Variants in THSD4 observed in about 807,000 individuals in gnomAD.
The protein encoded by THSD4 is thrombospondin type-1 domain-containing protein 4.
A neutral mutation model predicts 119.0 loss-of-function variants in THSD4; 69 were observed. The observed-to-expected ratio is 0.58, with a 90% CI of 0.48 to 0.71. THSD4 has a LOEUF of 0.71. Ranked by LOEUF, THSD4 falls within the 30% of genes least tolerant of loss-of-function variation. THSD4 has a pLI of 0.00. For synonymous variants in THSD4, 524 were observed against 540.4 expected, an observed-to-expected ratio of 0.97 and a Z score of 0.42; for missense variants, 1,393 against 1,391.1, an observed-to-expected ratio of 1.00 and a Z score of -0.02.
At position 71,777,226 on chromosome 15, in the gene THSD4, C is replaced by A. The variant is rs560330938; in HGVS notation, c.2915-6C>A. 7 of 1,614,204 alleles carry A rather than the reference C, an allele frequency of 4.3e-6. No individual in the cohort carries two copies. The South Asian group carries it at 7.7e-5, about 18-fold the overall frequency. On this transcript the variant is annotated splice_polypyrimidine_tract_variant and splice_region_variant and intron_variant, in intron 17 of 17. Coordinates refer to ENST00000261862, the MANE Select transcript of THSD4 (RefSeq NM_024817.3). ...GGAGTCTTCTGTTCATTCTCTTTCGCTACAGATGAAAACTGCAAGGACAAG... is the reference window on the plus strand; with the variant it reads ...GGAGTCTTCTGTTCATTCTCTTTCGATACAGATGAAAACTGCAAGGACAAG...
chr15:71,477,566 T>G (rs1446320876), intron 7 of THSD4, among the ~76,000 whole-genome samples: 2 of 152,166 alleles, frequency 1.3e-5, no homozygotes, highest in South Asian at 4.1e-4. Flanking sequence ...GAAAAAGAAA[T>G]AAAAGCTGCT....
At chr15:71,189,342 G>C (rs1401869215) in intron 3 of THSD4, among the ~76,000 whole-genome samples, 1 of 152,190 alleles carries the variant, frequency 6.6e-6, no homozygotes, top group Non-Finnish European at 1.5e-5. Context: ...AAGCCTGACT[G>C]TGCATTAGCA....
chr15:71,481,035 T>C (rs1225379683), intron 7 of THSD4, among the ~76,000 whole-genome samples: 2 of 152,210 alleles, frequency 1.3e-5, no homozygotes, highest in Non-Finnish European at 2.9e-5. Flanking sequence ...CCACCCTTGT[T>C]AGACTTGTTT....
chr15:71,267,174 C>T (rs191285161), intron 6 of THSD4, among the ~76,000 whole-genome samples: 4 of 152,096 alleles, frequency 2.6e-5, no homozygotes, highest in East Asian at 1.9e-4. Context: ...GATTCACCAA[C>T]GTTGAAATGA....
intron 6 of THSD4, chr15:71,341,477 G>A: frequency 8.1e-6 from 13 of 1,613,336 alleles, no homozygotes; most frequent in Non-Finnish European, 1.1e-5. Context: ...CCGACCTTGT[G>A]TCCAGCCCCA....
chr15:71,200,234 C>T (rs78231843), intron 3 of THSD4, among the ~76,000 whole-genome samples: 1,572 of 152,186 alleles, frequency 0.01, 26 homozygotes, highest in African/African-American at 0.036. Context: ...ATTGTTGGTC[C>T]AGACAGGCTG....
At chr15:71,355,858 T>A (rs1329776273) in intron 6 of THSD4, among the ~76,000 whole-genome samples, 45 of 108,552 alleles carry the variant, frequency 4.1e-4, no homozygotes. Flanking sequence ...TAATTTAGGT[T>A]TTTCTTATTT....
At chr15:71,127,478 A>G (rs983523513) in intron 1 of THSD4, among the ~76,000 whole-genome samples, 1 of 152,188 alleles carries the variant, frequency 6.6e-6, no homozygotes, top group African/African-American at 2.4e-5. Context: ...TAGTTCTTTG[A>G]GGAAGCTCTA....
chr15:71,375,492 A>C (rs990271218), intron 6 of THSD4, among the ~76,000 whole-genome samples: 3 of 152,094 alleles, frequency 2.0e-5, no homozygotes, highest in African/African-American at 7.2e-5. Flanking sequence ...ACTCTTCCCC[A>C]GCCCCCTACT....
chr15:71,704,893 G>A (rs536588919), intron 8 of THSD4, among the ~76,000 whole-genome samples: 1 of 152,320 alleles, frequency 6.6e-6, no homozygotes, highest in Admixed American at 6.5e-5. Flanking sequence ...GAAGTACATA[G>A]TGATACCATC....
chr15:71,240,079 A>G (rs961470135), intron 4 of THSD4, among the ~76,000 whole-genome samples: 2 of 152,224 alleles, frequency 1.3e-5, no homozygotes. Flanking sequence ...TGGTTCTCCA[A>G]TTTAGGCAGA....
chr15:71,478,492 C>T (rs1466412103), intron 7 of THSD4, among the ~76,000 whole-genome samples: 2 of 151,962 alleles, frequency 1.3e-5, no homozygotes, highest in Non-Finnish European at 2.9e-5. Context: ...TATAGACAAC[C>T]CGATTTGGTG....
At chr15:71,437,486 TG>T (rs1167208371) in intron 7 of THSD4, among the ~76,000 whole-genome samples, 1 of 152,230 alleles carries the variant, frequency 6.6e-6, no homozygotes, top group Non-Finnish European at 1.5e-5. Flanking sequence ...TTTTCTTCTT[TG>T]GCAGGTGTGG....
At chr15:71,491,427 TAA>T (rs1299756396) in intron 7 of THSD4, among the ~76,000 whole-genome samples, 1 of 152,192 alleles carries the variant, frequency 6.6e-6, no homozygotes, top group Non-Finnish European at 1.5e-5. Flanking sequence ...AATGGTTTTA[TAA>T]GAGAGAGACC....
At chr15:71,555,787 T>C (rs1258977305) in intron 7 of THSD4, among the ~76,000 whole-genome samples, 1 of 152,208 alleles carries the variant, frequency 6.6e-6, no homozygotes, top group African/African-American at 2.4e-5. Context: ...TTTTATACAC[T>C]TAGAGTTAAA....
At chr15:71,154,568 T>A (rs1386992025) in intron 2 of THSD4, among the ~76,000 whole-genome samples, 1 of 152,198 alleles carries the variant, frequency 6.6e-6, no homozygotes, top group Non-Finnish European at 1.5e-5. Context: ...CATCCCCGTT[T>A]TTCAGGGGAG....
chr15:71,125,570 T>TC (rs1391067319), intron 1 of THSD4, among the ~76,000 whole-genome samples: 1 of 152,230 alleles, frequency 6.6e-6, no homozygotes, highest in East Asian at 1.9e-4. Context: ...TCACCAGCTT[T>TC]CCCTTACTGG....
At chr15:71,760,341 T>C (rs572863095) in intron 15 of THSD4, among the ~76,000 whole-genome samples, 1 of 152,286 alleles carries the variant, frequency 6.6e-6, no homozygotes, top group South Asian at 2.1e-4. Context: ...GAGACCTAAG[T>C]CCATGGAGAG....
chr15:71,486,508 A>G lies in THSD4; in HGVS notation c.1152+74685A>G, dbSNP rs143108040. Reference sequence around the variant, plus strand: ...CACTTACGTGTGGCATAAGTGGCATACATGGCTTACCATTTTGGTTATGCA... The same window carrying G: ...CACTTACGTGTGGCATAAGTGGCATGCATGGCTTACCATTTTGGTTATGCA... On this transcript the variant is annotated intron_variant, in intron 7 of 17. Coordinates refer to ENST00000261862, the MANE Select transcript of THSD4 (RefSeq NM_024817.3). Among the ~76,000 whole-genome samples the G allele has an allele frequency of 2.6e-4, 39 of 152,302 alleles. No homozygotes were observed. In the East Asian group the frequency reaches 7.5e-3, roughly 29 times the overall value.
Sources: gnomAD v4.1 joint callset for allele counts (sites outside exome capture counted in the v4.1 genomes callset) on GRCh38, gnomAD v4.1.1 for gene constraint, MANE v1.5 for transcripts, NCBI Gene and HGNC (gene_info 2026-07-23, HGNC 2026-07-21) for gene names.